DHX57: variants seen among roughly 807,000 people sequenced by gnomAD.
DHX57 encodes the protein putative ATP-dependent RNA helicase DHX57.
In DHX57, 105 loss-of-function variants were observed where a neutral mutation model predicts 156.2. The observed-to-expected ratio is 0.67, with a 90% CI of 0.57 to 0.79. DHX57 has a LOEUF of 0.79. Among genes scored for constraint, DHX57 ranks in the 30% least tolerant of loss-of-function variants. The pLI is 0.00. For missense variants in DHX57, 1,847 were observed against 1,661.9 expected, an observed-to-expected ratio of 1.11 and a Z score of -1.94; for synonymous variants, 704 against 595.6, an observed-to-expected ratio of 1.18 and a Z score of -2.65.
chr2:38,869,048 C>T (rs751745455), intron 1 of DHX57, among the ~76,000 whole-genome samples: 9 of 152,216 alleles, frequency 5.9e-5, no homozygotes, highest in Non-Finnish European at 1.2e-4. Flanking sequence ...GTGATCTGCG[C>T]ACCTCAGCAT....
intron 1 of DHX57, among the ~76,000 whole-genome samples, chr2:38,871,553 A>C (rs1170970902): frequency 6.6e-6 from 1 of 152,208 alleles, no homozygotes; most frequent in African/African-American, 2.4e-5. Context: ...TATAAACAAC[A>C]GAAGTTTATT....
At chr2:38,825,061 T>G (rs1369022017) in intron 16 of DHX57, among the ~76,000 whole-genome samples, 1 of 152,182 alleles carries the variant, frequency 6.6e-6, no homozygotes, top group Non-Finnish European at 1.5e-5. Flanking sequence ...AGAGTTCTCA[T>G]TTTAAAAAAA....
chr2:38,854,837 C>A lies in DHX57; in HGVS notation c.1905+220G>T, dbSNP rs540643154. The A allele has an allele frequency of 5.4e-4, 223 of 411,946 alleles. 2 individuals are homozygous for A. The South Asian group carries it at 5.8e-3, about 11-fold the overall frequency. 25.5% of individuals were successfully genotyped at this position (411,946 alleles called of 1,614,324 possible). A position where few individuals can be genotyped will look rare whatever the true frequency, so the allele number is the denominator to read the frequency against. ...TTGGCCTCTCAAAGTGCTGGGATTA[C>A]AGGTGTGAGCCACCGCGCCTGGCCA... On this transcript the variant is annotated intron_variant, in intron 8 of 23. Transcript: ENST00000457308.
At chr2:38,846,972 C>T in intron 11 of DHX57, 47 bp downstream of exon 11, 2 of 1,520,708 alleles carry the variant, frequency 1.3e-6, no homozygotes, top group South Asian at 1.2e-5. Context: ...AGGGATGAAC[C>T]ACCATGCCAG....
At chr2:38,860,558 A>G (rs1288925805) in intron 5 of DHX57, among the ~76,000 whole-genome samples, 1 of 152,246 alleles carries the variant, frequency 6.6e-6, no homozygotes, top group Non-Finnish European at 1.5e-5. Context: ...ATCCCTAAAG[A>G]ATTCTGGGGG....
At chr2:38,844,211 A>G (rs1672150590) in intron 11 of DHX57, among the ~76,000 whole-genome samples, 1 of 152,226 alleles carries the variant, frequency 6.6e-6, no homozygotes, top group Non-Finnish European at 1.5e-5. Context: ...GGTATGGTAT[A>G]GAAAAATAAG....
chr2:38,815,974 T>C (rs1452798179), intron 19 of DHX57: 1 of 404,304 alleles, frequency 2.5e-6, no homozygotes, highest in Non-Finnish European at 4.8e-6. Context: ...TCCACGAAAT[T>C]CTTAGGACAG....
rs746784795 is a variant in DHX57 at position 38,823,126 on chromosome 2, G to A, written c.3158C>T (p.Thr1053Ile). 2.9e-5 allele frequency: 47 copies of A among 1,614,148 alleles called. 1 individual carries two copies. In the South Asian group the frequency reaches 4.8e-4, roughly 17 times the overall value. ...AGAGGCCAAATGATACCCAAGAGGG[G>A]TCAATCTTTCATCTGGAGTTAATGC... Reference protein sequence around the residue: ...LGALTPDERLTPLGYHLASLP... With the variant: ...LGALTPDERLIPLGYHLASLP... The change falls in exon 17 of 24, where the codon ACC becomes ATC. Residue 1053 changes from threonine (T) to isoleucine (I), a missense_variant. Physicochemically the swap from Thr to Ile is moderately conservative, Grantham distance 89. Coordinates refer to ENST00000457308, the MANE Select transcript of DHX57 (RefSeq NM_198963.3).
chr2:38,813,642 G>A (rs188634177), intron 21 of DHX57, among the ~76,000 whole-genome samples, 179 bp downstream of exon 21: 1 of 152,328 alleles, frequency 6.6e-6, no homozygotes, highest in East Asian at 1.9e-4. Context: ...AAAGTGCTGG[G>A]ATTACAGGCG....
chr2:38,801,677 C>G (rs1016917925), intron 23 of DHX57, among the ~76,000 whole-genome samples: 2 of 152,098 alleles, frequency 1.3e-5, no homozygotes, highest in Non-Finnish European at 2.9e-5. Context: ...TCACTGCAAC[C>G]TCCGCCTCCT....
chr2:38,857,618 C>G (rs893093758), intron 6 of DHX57, among the ~76,000 whole-genome samples: 1 of 152,160 alleles, frequency 6.6e-6, no homozygotes, highest in Non-Finnish European at 1.5e-5. Context: ...AACTTTAGAA[C>G]TGGAGGGCCT....
intron 1 of DHX57, among the ~76,000 whole-genome samples, chr2:38,869,938 A>G (rs575100093): frequency 6.6e-6 from 1 of 152,352 alleles, no homozygotes; most frequent in East Asian, 1.9e-4. Flanking sequence ...GGAATGCACA[A>G]TTAAAGCAGT....
intron 9 of DHX57, among the ~76,000 whole-genome samples, chr2:38,851,703 A>G (rs1672601106): frequency 6.6e-6 from 1 of 152,204 alleles, no homozygotes. Context: ...AGTTTGTGGA[A>G]GTACAAATGT....
At chr2:38,805,732 AT>A (rs35681693) in intron 22 of DHX57, among the ~76,000 whole-genome samples, 152,080 of 152,134 alleles carry the variant, frequency 1, 76,013 homozygotes, top group Non-Finnish European at 1. Context: ...ATTGGGGATC[AT>A]TGAGTTTGAT....
intron 20 of DHX57, among the ~76,000 whole-genome samples, chr2:38,814,769 C>A (rs923966580): frequency 2.0e-5 from 3 of 151,856 alleles, no homozygotes; most frequent in Non-Finnish European, 4.4e-5. Context: ...GCTGCCCAGG[C>A]TGGAGTGCAA....
At chr2:38,868,763 T>C (rs1273091691) in intron 1 of DHX57, among the ~76,000 whole-genome samples, 1 of 152,184 alleles carries the variant, frequency 6.6e-6, no homozygotes, top group African/African-American at 2.4e-5. Flanking sequence ...TGTCTAGGCT[T>C]TAATCCTAGA....
Position 38,874,479 on chromosome 2 carries a change from A to G in DHX57, c.-7+1308T>C, listed in dbSNP as rs1665508906. Among the ~76,000 whole-genome samples the G allele has an allele frequency of 7.3e-5, 10 of 136,286 alleles. No homozygotes were observed. In the Admixed American group the frequency reaches 8.3e-4, roughly 11 times the overall value. 89.4% of individuals were successfully genotyped at this position (136,286 alleles called of 152,430 possible). A position where few individuals can be genotyped will look rare whatever the true frequency, so the allele number is the denominator to read the frequency against. ...GGCTGGAGTGCACTGGCGCAGTCTC[A>G]GCTCACTGCAACCTCCACCTCCCGG... On this transcript the variant is annotated intron_variant, in intron 1 of 23. Coordinates refer to ENST00000457308, the MANE Select transcript of DHX57 (RefSeq NM_198963.3).
intron 1 of DHX57, among the ~76,000 whole-genome samples, chr2:38,870,548 G>C (rs973380379): frequency 2.6e-5 from 4 of 152,186 alleles, no homozygotes; most frequent in Non-Finnish European, 5.9e-5. Flanking sequence ...AAACAATGGA[G>C]GGCAGAAGGT....
rs1009896060 is a variant in DHX57, at chr2:38,858,723, A to G, written c.1525T>C (p.Trp509Arg). ...TCAGCATGTACTGACTTTGCCTGCC[A>G]GTCATATCTTTTGGAAATCTTTTTC... Reference protein sequence around the residue: ...LKKKISKRYDWQAKSVHAENG... With the variant: ...LKKKISKRYDRQAKSVHAENG... Residue 509 changes from tryptophan (W) to arginine (R), a missense_variant, in exon 6 of 24, where the codon TGG (tryptophan) becomes CGG (arginine). Coordinates refer to ENST00000457308, the MANE Select transcript of DHX57 (RefSeq NM_198963.3). 1 of 1,614,086 alleles carries G rather than the reference A, an allele frequency of 6.2e-7. No individual in the cohort carries two copies. Among genetic ancestry groups the G allele is most frequent in the African/African-American group, 1.3e-5 (1 of 75,042 alleles).
Sources: allele counts gnomAD v4.1 joint callset (sites outside exome capture counted in the v4.1 genomes callset), GRCh38; gene constraint gnomAD v4.1.1; transcripts MANE v1.5; gene names NCBI Gene and HGNC (gene_info 2026-07-23, HGNC 2026-07-21).